The following CHRM3 variants were observed in gnomAD, a reference collection of about 807,000 sequenced individuals.
CHRM3 encodes the protein muscarinic acetylcholine receptor M3.
A neutral mutation model predicts 41.8 loss-of-function variants in CHRM3; 11 were observed. The ratio of observed to expected loss-of-function variants is 0.26; its 90% CI spans 0.17 to 0.44. CHRM3 has a LOEUF of 0.44. Ranked by LOEUF, CHRM3 falls within the 20% of genes least tolerant of loss-of-function variation. The probability of loss-of-function intolerance (pLI) is 1.00; values close to 1 mark genes in which losing one functional copy is unlikely to be tolerated. For synonymous variants in CHRM3, 297 were observed against 301.4 expected (o/e 0.99, Z 0.15); for missense variants, 571 against 745.4 (o/e 0.77, Z 2.72).
chr1:239,762,909 G>A (rs1247701444), intron 5 of CHRM3, among the ~76,000 whole-genome samples: 1 of 152,154 alleles, frequency 6.6e-6, no homozygotes, highest in African/African-American at 2.4e-5. Flanking sequence ...GAAATTTCCT[G>A]TTGTTATAAG....
chr1:239,559,821 C>A (rs1385244836), intron 3 of CHRM3, among the ~76,000 whole-genome samples: 1 of 152,102 alleles, frequency 6.6e-6, no homozygotes, highest in African/African-American at 2.4e-5. Flanking sequence ...AGGATCTTAC[C>A]CTTCTTGTTA....
At chr1:239,798,515 G>T (rs1669971949) in intron 5 of CHRM3, among the ~76,000 whole-genome samples, 1 of 152,114 alleles carries the variant, frequency 6.6e-6, no homozygotes. Flanking sequence ...CAATAAATAT[G>T]TGCTGAATGA....
At chr1:239,806,830 A>G (rs779920023) in intron 5 of CHRM3, among the ~76,000 whole-genome samples, 2 of 152,356 alleles carry the variant, frequency 1.3e-5, no homozygotes, top group Non-Finnish European at 2.9e-5. Context: ...GAGATAGAGT[A>G]TCTGGCAATA....
At chr1:239,875,123 A>G (rs1677010132) in intron 6 of CHRM3, among the ~76,000 whole-genome samples, 1 of 152,222 alleles carries the variant, frequency 6.6e-6, no homozygotes, top group Admixed American at 6.5e-5. Flanking sequence ...TGACAAATGT[A>G]TATTAACGCC....
rs975659956 is a variant in CHRM3 at position 239,576,300 on chromosome 1, A to G, written c.-313+30551A>G. Among the ~76,000 whole-genome samples, 3 of 152,030 alleles carry G rather than the reference A, an allele frequency of 2.0e-5. No individual in the cohort carries two copies. In the East Asian group the frequency reaches 5.8e-4, roughly 29 times the overall value. ...CCCCATCCCCAGGGATCGTAAGTTA[A>G]TGGCACTTACACGTGAAATTATAGT... On this transcript the variant is annotated intron_variant, in intron 3 of 6. Transcript: ENST00000676153.
intron 1 of CHRM3, among the ~76,000 whole-genome samples, chr1:239,407,443 G>A (rs893939402): frequency 2.1e-5 from 3 of 139,978 alleles, no homozygotes; most frequent in Non-Finnish European, 4.9e-5. Context: ...GAGAGAGAGC[G>A]CTAAATTTCC....
intron 5 of CHRM3, among the ~76,000 whole-genome samples, chr1:239,746,768 T>TC (rs1415910730): frequency 2.6e-5 from 4 of 152,054 alleles, no homozygotes; most frequent in East Asian, 1.9e-4. Flanking sequence ...TTTCTTTCTT[T>TC]TTTTTTTGAG....
At chr1:239,535,715 T>C (rs949502697) in intron 2 of CHRM3, among the ~76,000 whole-genome samples, 2 of 152,044 alleles carry the variant, frequency 1.3e-5, no homozygotes, top group Non-Finnish European at 2.9e-5. Flanking sequence ...TCTTTGCACA[T>C]TTCTGACCTG....
intron 1 of CHRM3, among the ~76,000 whole-genome samples, chr1:239,407,285 G>A (rs1660666678): frequency 6.6e-6 from 1 of 152,020 alleles, no homozygotes; most frequent in East Asian, 1.9e-4. Flanking sequence ...ACCATCTTCT[G>A]AATCTGCTGT....
chr1:239,628,743 C>G (rs1257760471), intron 3 of CHRM3, among the ~76,000 whole-genome samples: 2 of 43,914 alleles, frequency 4.6e-5, no homozygotes, highest in African/African-American at 1.6e-4. Flanking sequence ...AGCTGCAGGT[C>G]TGTTGGAATA....
chr1:239,886,979 G>A (rs922409571), intron 6 of CHRM3, among the ~76,000 whole-genome samples: 1 of 152,100 alleles, frequency 6.6e-6, no homozygotes, highest in African/African-American at 2.4e-5. Context: ...CTCCCATGAT[G>A]TTTATTTGTC....
intron 1 of CHRM3, among the ~76,000 whole-genome samples, chr1:239,388,497 G>T (rs1002207158): frequency 2.0e-5 from 3 of 152,102 alleles, no homozygotes; most frequent in African/African-American, 7.2e-5. Context: ...TTGTGAGATC[G>T]TTATATCGCA....
chr1:239,397,207 A>C (rs1483961705), intron 1 of CHRM3, among the ~76,000 whole-genome samples: 3 of 152,190 alleles, frequency 2.0e-5, no homozygotes, highest in Non-Finnish European at 4.4e-5. Flanking sequence ...GTGAACTCTC[A>C]GATTGCAATT....
intron 5 of CHRM3, among the ~76,000 whole-genome samples, chr1:239,684,725 A>C (rs2149111888): frequency 6.9e-6 from 1 of 144,508 alleles, no homozygotes; most frequent in African/African-American, 2.7e-5. Context: ...AAGAAAGGAA[A>C]GGAAAGGAAA....
chr1:239,463,717 ATTTCTAATACATTT>A (rs1280641374), intron 1 of CHRM3, among the ~76,000 whole-genome samples: 2 of 151,874 alleles, frequency 1.3e-5, no homozygotes, highest in African/African-American at 4.8e-5. Flanking sequence ...TTTTTAATTC[ATTTCTAATACATTT>A]TTTCTAATAC....
At chr1:239,575,660 G>A (rs1662261844) in intron 3 of CHRM3, among the ~76,000 whole-genome samples, 1 of 152,008 alleles carries the variant, frequency 6.6e-6, no homozygotes, top group Admixed American at 6.6e-5. Context: ...GTCCAGGGCA[G>A]CACAGACAGC....
intron 1 of CHRM3, among the ~76,000 whole-genome samples, chr1:239,390,685 G>A (rs1020802538): frequency 1.3e-5 from 2 of 148,360 alleles, no homozygotes; most frequent in East Asian, 2.0e-4. Flanking sequence ...TGCAACCTCC[G>A]CCTCCCAGGT....
chr1:239,485,588 T>C (rs1307452728), intron 1 of CHRM3, among the ~76,000 whole-genome samples: 3 of 152,294 alleles, frequency 2.0e-5, no homozygotes, highest in Admixed American at 6.5e-5. Flanking sequence ...CTCCCTATTA[T>C]TTTAAGAGAA....
At chr1:239,706,684 AGG>A in intron 5 of CHRM3, among the ~76,000 whole-genome samples, 1 of 150,602 alleles carries the variant, frequency 6.6e-6, no homozygotes, top group African/African-American at 2.5e-5. Flanking sequence ...ACACACACGG[AGG>A]CATGCACCCA....
Sources: allele counts gnomAD v4.1 joint callset (sites outside exome capture counted in the v4.1 genomes callset), GRCh38; gene constraint gnomAD v4.1.1; transcripts MANE v1.5; gene names NCBI Gene and HGNC (gene_info 2026-07-23, HGNC 2026-07-21).